The following PCDHGA5 variants were observed in gnomAD, a reference collection of about 807,000 sequenced individuals.
The protein encoded by PCDHGA5 is protocadherin gamma subfamily A, 5, also known as protocadherin gamma-A5.
A neutral mutation model predicts 56.7 loss-of-function variants in PCDHGA5; 36 were observed. The ratio of observed to expected loss-of-function variants is 0.64; its 90% CI spans 0.49 to 0.84. The LOEUF (loss-of-function observed/expected upper bound fraction) is 0.84, where lower values mean the gene tolerates loss of function less well. Among genes scored for constraint, PCDHGA5 ranks in the 40% least tolerant of loss-of-function variants. The pLI is 0.00. For missense variants in PCDHGA5, 1,305 were observed against 1,201.5 expected (o/e 1.09, Z -1.27); for synonymous variants, 563 against 520.2 (o/e 1.08, Z -1.12).
rs1214853229 is a variant in PCDHGA5 at position 141,432,238 on chromosome 5, GAA to G, written c.2422-62568_2422-62567del. ...CCCAGATCACTTATTCCCTGGCTGA[GAA>G]CACCATCCAAGGGGCAAGCCTATCG... On this transcript the variant is annotated intron_variant, in intron 1 of 3. Coordinates refer to ENST00000518069, the MANE Select transcript of PCDHGA5 (RefSeq NM_018918.3). The surrounding 1 kb of genome is among the most constrained non-coding windows in gnomAD (Gnocchi z 6.0). 1 of 1,614,216 alleles carries G rather than the reference GAA, an allele frequency of 6.2e-7. No homozygotes were observed. The highest frequency in any genetic ancestry group is 2.2e-5 in the East Asian group (1 of 44,882).
chr5:141,494,076 G>A (rs538740530), intron 1 of PCDHGA5, among the ~76,000 whole-genome samples: 24 of 152,234 alleles, frequency 1.6e-4, no homozygotes, highest in African/African-American at 4.3e-4. Flanking sequence ...ATCCCTCCCC[G>A]CTGCATCCCT....
chr5:141,487,429 C>A lies in PCDHGA5; in HGVS notation c.2422-7378C>A. 1 of 1,614,162 alleles carries A rather than the reference C, an allele frequency of 6.2e-7. No individual in the cohort carries two copies. Among genetic ancestry groups the A allele is most frequent in the Non-Finnish European group, 8.5e-7 (1 of 1,180,018 alleles). On this transcript the variant is annotated intron_variant, in intron 1 of 3. Transcript: ENST00000518069. The surrounding 1 kb of genome is among the most constrained non-coding windows in gnomAD (Gnocchi z 5.0). ...CCCCTTCCAATGGGATCCTCCGAAT[C>A]CAGCTAGGGTCAGATGACCCTATCA...
At chr5:141,369,295 G>T (rs556803561) in intron 1 of PCDHGA5, among the ~76,000 whole-genome samples, 1 of 152,082 alleles carries the variant, frequency 6.6e-6, no homozygotes, top group African/African-American at 2.4e-5. Flanking sequence ...TCCTAATAAC[G>T]CATCATTGTT....
Position 141,477,140 on chromosome 5 carries a change from G to GT in PCDHGA5, c.2422-17665dup. ...AGCACATTGCAAAGTGTTGGTGGAG[G>GT]TTGTGGATGTGAATGACAACGCCCC... On this transcript the variant is annotated intron_variant, in intron 1 of 3. Transcript: ENST00000518069. The surrounding 1 kb of genome is among the most constrained non-coding windows in gnomAD (Gnocchi z 4.9). 1 of 1,614,220 alleles carries GT rather than the reference G, an allele frequency of 6.2e-7. No homozygotes were observed. Among genetic ancestry groups the GT allele is most frequent in the Non-Finnish European group, 8.5e-7 (1 of 1,180,048 alleles).
intron 1 of PCDHGA5, among the ~76,000 whole-genome samples, chr5:141,406,302 C>T (rs897412289): frequency 1.3e-4 from 20 of 152,020 alleles, no homozygotes; most frequent in African/African-American, 4.8e-4. Context: ...GAGGTGTGAA[C>T]CACCTCACCC....
chr5:141,399,751 G>C, intron 1 of PCDHGA5: 1 of 1,613,322 alleles, frequency 6.2e-7, no homozygotes, highest in South Asian at 1.1e-5. Context: ...CAGCGCAAAC[G>C]TGAGCCTGCG....
chr5:141,415,860 A>G (rs2095965840), intron 1 of PCDHGA5: 3 of 1,175,636 alleles, frequency 2.6e-6, no homozygotes, highest in Middle Eastern at 3.1e-4. Context: ...CTTGTAGTTT[A>G]TAGTGTTGTT....
rs1219684339 is a variant in PCDHGA5, at chr5:141,506,444, CAA to C, written c.2569+983_2569+984del. Among the ~76,000 whole-genome samples the C allele has an allele frequency of 5.9e-3, 564 of 95,004 alleles. 2 individuals carry two copies. The highest frequency in any genetic ancestry group is 0.013 in the African/African-American group (317 of 25,186). 62.3% of individuals were successfully genotyped at this position (95,004 alleles called of 152,430 possible). Reference sequence around the variant, plus strand: ...CCTGGGCAACAGTCTCGCTCTGTCTCAAAAAAAAAAAAAAAAAAAAAGAGCAC... The same window carrying C: ...CCTGGGCAACAGTCTCGCTCTGTCTCAAAAAAAAAAAAAAAAAAAGAGCAC... On this transcript the variant is annotated intron_variant, in intron 3 of 3. Transcript: ENST00000518069.
intron 1 of PCDHGA5, chr5:141,371,929 G>A: frequency 6.2e-7 from 1 of 1,613,366 alleles, no homozygotes; most frequent in South Asian, 1.1e-5. Flanking sequence ...GCGCGGAGCG[G>A]GGTGGTGTTC....
intron 1 of PCDHGA5, among the ~76,000 whole-genome samples, chr5:141,448,422 T>C (rs1561930551): frequency 3.9e-5 from 6 of 152,150 alleles, no homozygotes; most frequent in Admixed American, 3.3e-4. Flanking sequence ...CAATATACTA[T>C]GTATATATTG....
chr5:141,393,315 C>A, intron 1 of PCDHGA5: 1 of 1,613,104 alleles, frequency 6.2e-7, no homozygotes. Flanking sequence ...GAACTCCCTC[C>A]AGAGCTACCA....
At chr5:141,492,461 G>A (rs1218833302) in intron 1 of PCDHGA5, among the ~76,000 whole-genome samples, 1 of 152,212 alleles carries the variant, frequency 6.6e-6, no homozygotes, top group East Asian at 1.9e-4. Flanking sequence ...CGCGCCTGAG[G>A]GTCCCAGATC....
Position 141,383,159 on chromosome 5 carries a change from CG to C in PCDHGA5, c.2421+16411del, listed in dbSNP as rs546342817. ...CAGCGCAGCGGCAGCTTGGTCACTG[CG>C]GGCAGGATAGACCGGGAAGAGATCT... On this transcript the variant is annotated intron_variant, in intron 1 of 3. Transcript: ENST00000518069. 2.4e-4 allele frequency: 391 copies of C among 1,614,104 alleles called. 5 individuals are homozygous for C. In the South Asian group the frequency reaches 3.9e-3, roughly 16 times the overall value.
chr5:141,400,333 C>T (rs538201613), intron 1 of PCDHGA5: 2 of 1,614,032 alleles, frequency 1.2e-6, no homozygotes, highest in East Asian at 2.2e-5. Context: ...ACCTGTGGTT[C>T]CCCCCAACTA....
At chr5:141,475,895 C>A (rs2099379056) in intron 1 of PCDHGA5, 1 of 568,558 alleles carries the variant, frequency 1.8e-6, no homozygotes, top group African/African-American at 1.9e-5. Context: ...ACTCTGTGTG[C>A]CGCTGTCGGC....
intron 1 of PCDHGA5, chr5:141,393,004 T>C (rs781030004): frequency 1.2e-6 from 2 of 1,613,554 alleles, no homozygotes; most frequent in Middle Eastern, 1.7e-4. Flanking sequence ...AAGCACGGAG[T>C]CCGTATCGTC....
chr5:141,408,924 T>G, intron 1 of PCDHGA5: 1 of 1,612,706 alleles, frequency 6.2e-7, no homozygotes. Flanking sequence ...AACCCCCCGG[T>G]TTTCAGCAGA....
Position 141,409,086 on chromosome 5 carries a change from A to G in PCDHGA5, c.2421+42335A>G, listed in dbSNP as rs1019017199. 6.8e-6 allele frequency: 11 copies of G among 1,613,904 alleles called. No homozygotes were observed. Among genetic ancestry groups the G allele is most frequent in the African/African-American group, 5.3e-5 (4 of 74,932 alleles). On this transcript the variant is annotated intron_variant, in intron 1 of 3. Transcript: ENST00000518069. ...AGCACAAAACATATGTTCTCATTGG[A>G]TGAGAAAACAGGTATGATTAAGAAT... is the stretch of plus-strand genomic sequence containing the variant.
rs561569572 is a variant in PCDHGA5, at chr5:141,512,054, C to A, written c.*881C>A. 6.5e-6 allele frequency: 1 copy of A among 152,828 alleles called. No individual in the cohort carries two copies. The highest frequency in any genetic ancestry group is 1.9e-4 in the East Asian group (1 of 5,184). The allele number at this position is 152,828 out of a possible 1,614,324, so 9.5% of individuals were successfully genotyped here. On this transcript the variant is annotated 3_prime_UTR_variant, in exon 4 of 4. Coordinates refer to ENST00000518069, the MANE Select transcript of PCDHGA5 (RefSeq NM_018918.3). Reference sequence around the variant, plus strand: ...GGAGGCTCTGTATGTCCTCAGGGGACTGACAACATCCTCCAGATTCCAGCC... The same window carrying A: ...GGAGGCTCTGTATGTCCTCAGGGGAATGACAACATCCTCCAGATTCCAGCC...
Sources: allele counts gnomAD v4.1 joint callset (sites outside exome capture counted in the v4.1 genomes callset), GRCh38; gene constraint gnomAD v4.1.1; non-coding constraint Gnocchi (gnomAD v3.1); transcripts MANE v1.5; gene names NCBI Gene and HGNC (gene_info 2026-07-23, HGNC 2026-07-21).